MCTP1: variants seen among roughly 807,000 people sequenced by gnomAD.
MCTP1 encodes the protein multiple C2 and transmembrane domain containing 1.
MCTP1 carries 69 observed loss-of-function variants against 120.6 expected under a neutral mutation model. The ratio of observed to expected loss-of-function variants is 0.57; its 90% CI spans 0.47 to 0.70. MCTP1 has a LOEUF of 0.70. Ranked by LOEUF, MCTP1 falls within the 30% of genes least tolerant of loss-of-function variation. The pLI is 0.00. For synonymous variants in MCTP1, 529 were observed against 493.1 expected (o/e 1.07, Z -0.96); for missense variants, 1,203 against 1,248.8 (o/e 0.96, Z 0.55).
At chr5:95,227,086 C>T (rs1022109743) in intron 1 of MCTP1, among the ~76,000 whole-genome samples, 12 of 152,016 alleles carry the variant, frequency 7.9e-5, no homozygotes, top group Non-Finnish European at 1.6e-4. Flanking sequence ...TGGAGGCCAC[C>T]GAGGCAGAAT....
intron 17 of MCTP1, among the ~76,000 whole-genome samples, chr5:94,804,395 G>T (rs956239251): frequency 2.6e-5 from 4 of 152,174 alleles, no homozygotes; most frequent in Non-Finnish European, 5.9e-5. Flanking sequence ...ATGTGAAGAT[G>T]CTTCATCACA....
chr5:95,060,823 T>C (rs1432592060), intron 1 of MCTP1, among the ~76,000 whole-genome samples: 1 of 151,700 alleles, frequency 6.6e-6, no homozygotes, highest in African/African-American at 2.4e-5. Context: ...AATACAAAAA[T>C]TAGCCAAGCG....
At chr5:95,024,554 C>T (rs375620301) in intron 1 of MCTP1, among the ~76,000 whole-genome samples, 110 of 151,950 alleles carry the variant, frequency 7.2e-4, no homozygotes, top group African/African-American at 2.4e-3. Context: ...AGAAACAAGA[C>T]AAGGATACCC....
intron 6 of MCTP1, among the ~76,000 whole-genome samples, chr5:94,927,743 A>G (rs1043480606): frequency 2.0e-5 from 3 of 152,284 alleles, no homozygotes; most frequent in Non-Finnish European, 4.4e-5. Context: ...TGCATTTTTA[A>G]TGTGTCATCC....
chr5:95,128,993 C>A (rs943576864), intron 1 of MCTP1, among the ~76,000 whole-genome samples: 1 of 152,156 alleles, frequency 6.6e-6, no homozygotes, highest in African/African-American at 2.4e-5. Flanking sequence ...AAAAAAATAA[C>A]TGGAAAAGTT....
chr5:95,065,501 G>A (rs1280450329), intron 1 of MCTP1, among the ~76,000 whole-genome samples: 1 of 151,970 alleles, frequency 6.6e-6, no homozygotes, highest in African/African-American at 2.4e-5. Context: ...GTAGATTAAA[G>A]GCAAAATTTA....
intron 2 of MCTP1, 136 bp from the exon 3 acceptor site, chr5:94,953,497 G>A: frequency 1.8e-6 from 1 of 558,340 alleles, no homozygotes; most frequent in Non-Finnish European, 2.8e-6. Flanking sequence ...TAAGAGTTAA[G>A]TGTTTTCTTA....
At chr5:94,751,644 C>T (rs1315106974) in intron 19 of MCTP1, among the ~76,000 whole-genome samples, 10 of 152,054 alleles carry the variant, frequency 6.6e-5, no homozygotes, top group African/African-American at 1.4e-4. Flanking sequence ...ATGCATAAAG[C>T]GTACAGAGCC....
chr5:95,034,793 A>T (rs1840951751), intron 1 of MCTP1, among the ~76,000 whole-genome samples: 1 of 152,144 alleles, frequency 6.6e-6, no homozygotes, highest in Non-Finnish European at 1.5e-5. Context: ...AACCTATGGA[A>T]TGGGAGAAAA....
chr5:95,157,920 C>G (rs947730264), intron 1 of MCTP1, among the ~76,000 whole-genome samples: 2 of 152,076 alleles, frequency 1.3e-5, no homozygotes, highest in African/African-American at 4.8e-5. Flanking sequence ...CAGCATGGCC[C>G]GCAAAGCCTA....
intron 1 of MCTP1, among the ~76,000 whole-genome samples, chr5:95,246,423 G>A (rs1407591124): frequency 2.0e-5 from 3 of 151,908 alleles, no homozygotes; most frequent in African/African-American, 7.3e-5. Context: ...CACATGCAAA[G>A]GCACACATAG....
intron 2 of MCTP1, among the ~76,000 whole-genome samples, chr5:94,982,158 T>C (rs1212480614): frequency 6.6e-6 from 1 of 152,202 alleles, no homozygotes; most frequent in East Asian, 1.9e-4. Context: ...TAATGATACA[T>C]ACAAAATGAG....
intron 19 of MCTP1, among the ~76,000 whole-genome samples, chr5:94,720,493 T>C (rs560695827): frequency 2.0e-5 from 3 of 152,118 alleles, no homozygotes; most frequent in Non-Finnish European, 4.4e-5. Context: ...AATTGATAGA[T>C]TATGAAATCA....
At chr5:95,260,794 A>G (rs1306209976) in intron 1 of MCTP1, among the ~76,000 whole-genome samples, 1 of 152,188 alleles carries the variant, frequency 6.6e-6, no homozygotes, top group Admixed American at 6.5e-5. Flanking sequence ...TTTCCAGCAC[A>G]GAACAAATGA....
Position 94,912,797 on chromosome 5 carries a change from C to T in MCTP1, c.1521+9G>A, listed in dbSNP as rs748709760. 3 of 1,537,620 alleles carry T rather than the reference C, an allele frequency of 2.0e-6. No homozygotes were observed. In the East Asian group the frequency reaches 7.7e-5, roughly 39 times the overall value. ...AATATTGACAGGAACACAATAGAGA[C>T]AAGGTTACCTTGCTCTTGTACTTCT... On this transcript the variant is annotated intron_variant, in intron 9 of 22. Transcript: ENST00000515393.
intron 17 of MCTP1, among the ~76,000 whole-genome samples, chr5:94,800,780 A>G (rs1310863277): frequency 6.6e-6 from 1 of 152,138 alleles, no homozygotes; most frequent in Non-Finnish European, 1.5e-5. Context: ...AAAAAGCATA[A>G]ATAATAGTTA....
intron 2 of MCTP1, among the ~76,000 whole-genome samples, chr5:94,953,874 TATATA>T (rs1821400934): frequency 8.4e-6 from 1 of 118,926 alleles, no homozygotes; most frequent in Non-Finnish European, 1.7e-5. Context: ...TATATACAAA[TATATA>T]TGCATATATA....
Position 95,151,294 on chromosome 5 carries a change from A to T in MCTP1, c.720+132562T>A, listed in dbSNP as rs1436932278. On this transcript the variant is annotated intron_variant, in intron 1 of 22. Transcript: ENST00000515393. ...CCACCACACCCGGCCAGAAAATATC[A>T]TTAAGAAAATCATAAGGAAGATAAT... Among the ~76,000 whole-genome samples, 4 of 152,046 alleles carry T rather than the reference A, an allele frequency of 2.6e-5. No individual in the cohort carries two copies. In the East Asian group the frequency reaches 7.7e-4, roughly 29 times the overall value.
intron 19 of MCTP1, among the ~76,000 whole-genome samples, chr5:94,734,786 ATAG>A (rs1763844454): frequency 6.6e-6 from 1 of 152,182 alleles, no homozygotes; most frequent in African/African-American, 2.4e-5. Context: ...TAAGGCACAA[ATAG>A]TAGCATATGA....
Sources: allele counts gnomAD v4.1 joint callset (sites outside exome capture counted in the v4.1 genomes callset), GRCh38; gene constraint gnomAD v4.1.1; transcripts MANE v1.5; gene names NCBI Gene and HGNC (gene_info 2026-07-23, HGNC 2026-07-21).